The following KPNA4 variants were observed in gnomAD, a reference collection of about 807,000 sequenced individuals.
KPNA4 encodes importin subunit alpha-3.
Under a neutral mutation model 71.3 loss-of-function variants are expected in KPNA4, and 13 were observed. The observed-to-expected ratio is 0.18, with a 90% CI of 0.12 to 0.29. The LOEUF (loss-of-function observed/expected upper bound fraction) is 0.29. Ranked by LOEUF, KPNA4 falls within the 10% of genes least tolerant of loss-of-function variation. The pLI is 1.00. For synonymous variants in KPNA4, 189 were observed against 195.2 expected, an observed-to-expected ratio of 0.97 and a Z score of 0.26; for missense variants, 334 against 603.2, an observed-to-expected ratio of 0.55 and a Z score of 4.67.
chr3:160,532,036 C>T (rs763285630), intron 5 of KPNA4, among the ~76,000 whole-genome samples: 3 of 152,252 alleles, frequency 2.0e-5, no homozygotes, highest in Non-Finnish European at 4.4e-5. Context: ...AGGTGATCCA[C>T]CCGTCTTGGC....
chr3:160,555,105 C>T (rs1216339279), intron 1 of KPNA4, among the ~76,000 whole-genome samples: 2 of 152,132 alleles, frequency 1.3e-5, no homozygotes, highest in Non-Finnish European at 2.9e-5. Context: ...TAGACAGTGT[C>T]AGAATTAAAT....
chr3:160,542,898 A>T (rs778286796), intron 1 of KPNA4, among the ~76,000 whole-genome samples: 7 of 152,238 alleles, frequency 4.6e-5, no homozygotes, highest in Admixed American at 1.3e-4. Flanking sequence ...TAAGCATTGA[A>T]AATTTATTAG....
chr3:160,510,467 T>A (rs1721068278), intron 13 of KPNA4, among the ~76,000 whole-genome samples: 1 of 152,056 alleles, frequency 6.6e-6, no homozygotes, highest in African/African-American at 2.4e-5. Flanking sequence ...CAACTAAAAT[T>A]CTCAATAAGC....
intron 12 of KPNA4, chr3:160,515,182 A>C (rs750217781): frequency 1.1e-5 from 6 of 542,730 alleles, no homozygotes; most frequent in African/African-American, 1.9e-5. Context: ...TACATATTAA[A>C]AATTTCCAGT....
At chr3:160,533,541 AT>A (rs1377183284) in intron 5 of KPNA4, among the ~76,000 whole-genome samples, 7 of 151,786 alleles carry the variant, frequency 4.6e-5, no homozygotes, top group Non-Finnish European at 8.8e-5. Context: ...AATTTAAAAA[AT>A]TTTTTTTACA....
At position 160,500,800 on chromosome 3, in the gene KPNA4, C is replaced by G. The variant is rs898481573; in HGVS notation, c.*1304G>C. ...CATCTACTCAAACCTCTTCATCGGT[C>G]TTTATTCAGCAGTACATATGCACCA... On this transcript the variant is annotated 3_prime_UTR_variant, in exon 17 of 17. Coordinates refer to ENST00000334256, the MANE Select transcript of KPNA4 (RefSeq NM_002268.5). 1.4e-4 allele frequency: 21 copies of G among 152,542 alleles called. No homozygotes were observed. The highest frequency in any genetic ancestry group is 4.8e-4 in the African/African-American group (20 of 41,418). 9.4% of individuals were successfully genotyped at this position (152,542 alleles called of 1,614,324 possible).
intron 15 of KPNA4, among the ~76,000 whole-genome samples, chr3:160,505,265 G>A (rs1720960954): frequency 6.6e-6 from 1 of 152,080 alleles, no homozygotes; most frequent in Admixed American, 6.6e-5. Flanking sequence ...GTGTCTAACT[G>A]CTTGTAAATG....
At chr3:160,518,785 T>C (rs996666610) in intron 11 of KPNA4, among the ~76,000 whole-genome samples, 1 of 151,908 alleles carries the variant, frequency 6.6e-6, no homozygotes, top group African/African-American at 2.4e-5. Context: ...TGCTTGAACC[T>C]GGGAGGCAGA....
intron 16 of KPNA4, among the ~76,000 whole-genome samples, chr3:160,502,931 C>T (rs901251941): frequency 1.3e-5 from 2 of 151,798 alleles, no homozygotes; most frequent in Admixed American, 6.6e-5. Context: ...GCCAACGTGG[C>T]GAAACCCCAT....
At chr3:160,509,946 T>A (rs1025535697) in intron 13 of KPNA4, 75 bp from the exon 14 acceptor site, 1 of 880,780 alleles carries the variant, frequency 1.1e-6, no homozygotes, top group African/African-American at 1.7e-5. Context: ...CTGTGATGAT[T>A]TTTCAACTGC....
At chr3:160,550,416 C>T (rs937855522) in intron 1 of KPNA4, among the ~76,000 whole-genome samples, 1 of 152,120 alleles carries the variant, frequency 6.6e-6, no homozygotes, top group Non-Finnish European at 1.5e-5. Context: ...TGCCTGCATG[C>T]CTGGATAGTT....
chr3:160,502,264 A>G, intron 16 of KPNA4, 62 bp from the exon 17 acceptor site: 2 of 795,770 alleles, frequency 2.5e-6, no homozygotes, highest in Non-Finnish European at 3.9e-6. Flanking sequence ...AAACAGTATT[A>G]TAGTACTAAT....
rs1366372801 is a variant in KPNA4 at position 160,502,047 on chromosome 3, C to T, written c.*57G>A. 5.1e-6 allele frequency: 3 copies of T among 593,556 alleles called. No individual in the cohort carries two copies. The highest frequency in any genetic ancestry group is 3.3e-5 in the East Asian group (1 of 30,474). 36.8% of individuals were successfully genotyped at this position (593,556 alleles called of 1,614,324 possible). On this transcript the variant is annotated 3_prime_UTR_variant, in exon 17 of 17. Coordinates refer to ENST00000334256, the MANE Select transcript of KPNA4 (RefSeq NM_002268.5). ...GTATATATATATATATATACACACA[C>T]ACATATATATATATATATCTCAGTG... is the stretch of plus-strand genomic sequence containing the variant.
At chr3:160,532,027 G>A (rs1321851069) in intron 5 of KPNA4, among the ~76,000 whole-genome samples, 1 of 152,148 alleles carries the variant, frequency 6.6e-6, no homozygotes, top group African/African-American at 2.4e-5. Flanking sequence ...CCTGACTTCA[G>A]GTGATCCACC....
At chr3:160,537,221 TA>T (rs909871906) in intron 1 of KPNA4, among the ~76,000 whole-genome samples, 40 of 143,434 alleles carry the variant, frequency 2.8e-4, no homozygotes, top group African/African-American at 2.5e-4. Flanking sequence ...TTCAACTATT[TA>T]AAAAAAAAAA....
chr3:160,530,811 C>G (rs1362856392), intron 7 of KPNA4, 44 bp downstream of exon 7: 1 of 1,383,028 alleles, frequency 7.2e-7, no homozygotes, highest in South Asian at 1.2e-5. Flanking sequence ...TTACCGACTT[C>G]TTTTAAAAAA....
At chr3:160,517,836 T>C (rs1044619906) in intron 11 of KPNA4, among the ~76,000 whole-genome samples, 2 of 152,210 alleles carry the variant, frequency 1.3e-5, no homozygotes, top group Admixed American at 1.3e-4. Flanking sequence ...AACAGTTCTT[T>C]ATACATTAAA....
chr3:160,561,768 A>G (rs755989789), intron 1 of KPNA4, among the ~76,000 whole-genome samples: 6 of 152,208 alleles, frequency 3.9e-5, no homozygotes, highest in East Asian at 3.9e-4. Context: ...AAGTTATACA[A>G]GCAGAGAGAA....
intron 1 of KPNA4, 44 bp from the exon 2 acceptor site, chr3:160,536,884 T>G (rs1361176199): frequency 8.6e-7 from 1 of 1,168,948 alleles, no homozygotes; most frequent in East Asian, 2.4e-5. Context: ...TCACCTCAAA[T>G]TCCATTATCC....
Sources: allele counts gnomAD v4.1 joint callset (sites outside exome capture counted in the v4.1 genomes callset), GRCh38; gene constraint gnomAD v4.1.1; transcripts MANE v1.5; gene names NCBI Gene and HGNC (gene_info 2026-07-23, HGNC 2026-07-21).